Variants in LRRTM4 observed in about 807,000 individuals in gnomAD.
LRRTM4 encodes the protein leucine rich repeat transmembrane neuronal 4.
In LRRTM4, 25 loss-of-function variants were observed where a neutral mutation model predicts 47.6. That is an observed-to-expected ratio of 0.53 (90% CI 0.38 to 0.73). LRRTM4 has a LOEUF of 0.73. Ranked by LOEUF, LRRTM4 falls within the 30% of genes least tolerant of loss-of-function variation. The probability of loss-of-function intolerance (pLI) is 0.00; values close to 1 mark genes in which losing one functional copy is unlikely to be tolerated. For synonymous variants in LRRTM4, 311 were observed against 269.5 expected, an observed-to-expected ratio of 1.15 and a Z score of -1.51; for missense variants, 638 against 713.4, an observed-to-expected ratio of 0.89 and a Z score of 1.20.
chr2:77,521,802 T>C lies in LRRTM4; in HGVS notation c.-131A>G, dbSNP rs1256227326. ...CACCATTCTGATCCCGCATGTGAGCTAGTAGCCCCATACAAACTTCCCCGA... is the reference window on the plus strand; with the variant it reads ...CACCATTCTGATCCCGCATGTGAGCCAGTAGCCCCATACAAACTTCCCCGA... On this transcript the variant is annotated 5_prime_UTR_variant, in exon 2 of 4. Coordinates refer to ENST00000409884, the MANE Select transcript of LRRTM4 (RefSeq NM_001134745.3). 19 of 796,058 alleles carry C rather than the reference T, an allele frequency of 2.4e-5. No homozygotes were observed. Among genetic ancestry groups the C allele is most frequent in the Non-Finnish European group, 3.7e-5 (19 of 509,772 alleles). 49.3% of individuals were successfully genotyped at this position (796,058 alleles called of 1,614,324 possible).
At chr2:77,279,882 CA>C (rs1676462403) in intron 3 of LRRTM4, among the ~76,000 whole-genome samples, 1 of 151,800 alleles carries the variant, frequency 6.6e-6, no homozygotes, top group Admixed American at 6.6e-5. Flanking sequence ...AGGAAAAAAA[CA>C]ATACTTGTCT....
chr2:76,927,497 G>T (rs112340842), intron 3 of LRRTM4, among the ~76,000 whole-genome samples: 1 of 152,036 alleles, frequency 6.6e-6, no homozygotes, highest in African/African-American at 2.4e-5. Context: ...AATTGGAAAG[G>T]CTTCCTGGTA....
intron 3 of LRRTM4, among the ~76,000 whole-genome samples, chr2:77,256,031 C>T (rs932421554): frequency 6.6e-6 from 1 of 151,662 alleles, no homozygotes; most frequent in Non-Finnish European, 1.5e-5. Context: ...GTTTAACAGC[C>T]GAGAGAGACA....
At chr2:77,443,107 C>T (rs1675911780) in intron 3 of LRRTM4, among the ~76,000 whole-genome samples, 1 of 152,056 alleles carries the variant, frequency 6.6e-6, no homozygotes, top group Non-Finnish European at 1.5e-5. Context: ...CAAAGAAAAG[C>T]AGTGTGGCTC....
chr2:77,292,526 G>T (rs895637113), intron 3 of LRRTM4, among the ~76,000 whole-genome samples: 4 of 151,986 alleles, frequency 2.6e-5, no homozygotes, highest in African/African-American at 9.7e-5. Context: ...CATAAAAAAT[G>T]ATGAGTTCAT....
At chr2:77,241,593 T>C (rs902530979) in intron 3 of LRRTM4, among the ~76,000 whole-genome samples, 11 of 151,666 alleles carry the variant, frequency 7.3e-5, no homozygotes, top group Non-Finnish European at 1.5e-4. Context: ...ACCTATTGAA[T>C]AGAGATTAGG....
intron 3 of LRRTM4, among the ~76,000 whole-genome samples, chr2:77,109,860 A>G (rs989718764): frequency 6.6e-6 from 1 of 152,144 alleles, no homozygotes; most frequent in South Asian, 2.1e-4. Flanking sequence ...GAAAAATATA[A>G]TAACTAAAAT....
chr2:76,865,414 C>T (rs994395176), intron 3 of LRRTM4, among the ~76,000 whole-genome samples: 2 of 152,126 alleles, frequency 1.3e-5, no homozygotes, highest in African/African-American at 4.8e-5. Context: ...AGCTCAATGG[C>T]TATTTTTGAA....
chr2:77,456,705 G>C (rs888145939), intron 3 of LRRTM4, among the ~76,000 whole-genome samples: 3 of 151,872 alleles, frequency 2.0e-5, no homozygotes, highest in African/African-American at 7.3e-5. Flanking sequence ...ACTCTTGAAA[G>C]CATTCTTAGG....
At chr2:77,426,805 GCACACACA>G in intron 3 of LRRTM4, among the ~76,000 whole-genome samples, 1 of 147,524 alleles carries the variant, frequency 6.8e-6, no homozygotes, top group South Asian at 2.2e-4. Flanking sequence ...AGAGGTGTAT[GCACACACA>G]CACACACACA....
At chr2:76,968,242 T>C (rs1676092399) in intron 3 of LRRTM4, among the ~76,000 whole-genome samples, 1 of 147,574 alleles carries the variant, frequency 6.8e-6, no homozygotes, top group African/African-American at 2.5e-5. Context: ...TAAAACAACA[T>C]TGGAAATTCT....
chr2:77,236,804 G>C (rs909360002), intron 3 of LRRTM4, among the ~76,000 whole-genome samples: 2 of 151,896 alleles, frequency 1.3e-5, no homozygotes, highest in Admixed American at 6.6e-5. Flanking sequence ...TTTTAATTCT[G>C]TTTATATGGT....
chr2:77,450,765 GC>G (rs1676225090), intron 3 of LRRTM4, among the ~76,000 whole-genome samples: 1 of 152,068 alleles, frequency 6.6e-6, no homozygotes, highest in South Asian at 2.1e-4. Flanking sequence ...TCACCTTATA[GC>G]TAGCCAATTA....
chr2:76,907,612 A>G lies in LRRTM4; in HGVS notation c.1552-158696T>C, dbSNP rs1448041899. Among the ~76,000 whole-genome samples the G allele has an allele frequency of 3.7e-5, 5 of 133,712 alleles. 1 individual carries two copies. The highest frequency in any genetic ancestry group is 4.9e-4 in the South Asian group (2 of 4,042). 87.7% of individuals were successfully genotyped at this position (133,712 alleles called of 152,430 possible). On this transcript the variant is annotated intron_variant, in intron 3 of 3. Transcript: ENST00000409884. ...GACCACTAGCAAGACTAATAAAGAA[A>G]AAAAGAGAGAAGAATCAAATAGACG...
chr2:77,479,041 T>C (rs1677547387), intron 3 of LRRTM4, among the ~76,000 whole-genome samples: 1 of 152,000 alleles, frequency 6.6e-6, no homozygotes, highest in African/African-American at 2.4e-5. Context: ...ATTATAGGCA[T>C]GTGCCACCAT....
At chr2:77,172,062 T>C (rs1673063553) in intron 3 of LRRTM4, among the ~76,000 whole-genome samples, 1 of 152,220 alleles carries the variant, frequency 6.6e-6, no homozygotes. Context: ...TTATCCTAGA[T>C]ATCTGCCTGC....
chr2:77,357,644 G>GT (rs1469309017), intron 3 of LRRTM4, among the ~76,000 whole-genome samples: 1 of 152,110 alleles, frequency 6.6e-6, no homozygotes, highest in Non-Finnish European at 1.5e-5. Context: ...AAAAGACATG[G>GT]TGTCATCACA....
At chr2:76,801,224 T>C (rs541505637) in intron 3 of LRRTM4, among the ~76,000 whole-genome samples, 3 of 152,282 alleles carry the variant, frequency 2.0e-5, no homozygotes, top group African/African-American at 4.8e-5. Flanking sequence ...CATATGTTTA[T>C]TGCAGCATTA....
chr2:77,483,315 C>T (rs112125724), intron 3 of LRRTM4, among the ~76,000 whole-genome samples: 31 of 152,034 alleles, frequency 2.0e-4, no homozygotes, highest in African/African-American at 6.3e-4. Context: ...AAGTTTAGAA[C>T]ACAAGGTGAC....
Sources: gnomAD v4.1 joint callset for allele counts (sites outside exome capture counted in the v4.1 genomes callset) on GRCh38, gnomAD v4.1.1 for gene constraint, MANE v1.5 for transcripts, NCBI Gene and HGNC (gene_info 2026-07-23, HGNC 2026-07-21) for gene names.